PALM2AKAP2: variants seen among roughly 807,000 people sequenced by gnomAD.
PALM2AKAP2 encodes the protein PALM2-AKAP2 fusion protein.
Under a neutral mutation model 71.5 loss-of-function variants are expected in PALM2AKAP2, and 37 were observed. That is an observed-to-expected ratio of 0.52 (90% CI 0.40 to 0.68). PALM2AKAP2 has a LOEUF of 0.68. PALM2AKAP2 is among the 30% of genes least tolerant of loss of function. The probability of loss-of-function intolerance (pLI) is 0.00; values close to 1 mark genes in which losing one functional copy is unlikely to be tolerated. For missense variants in PALM2AKAP2, 1,224 were observed against 1,191.8 expected (o/e 1.03, Z -0.40); for synonymous variants, 468 against 478.8 (o/e 0.98, Z 0.29).
chr9:110,044,202 T>G (rs1328165344), upstream of PALM2AKAP2, among the ~76,000 whole-genome samples: 1 of 152,124 alleles, frequency 6.6e-6, no homozygotes, highest in Non-Finnish European at 1.5e-5. Flanking sequence ...CCCCTGGGCT[T>G]GGGATTACTG....
exon 4 of PALM2AKAP2, chr9:110,170,444 A>G (rs1375533616): frequency 6.6e-6 from 1 of 152,534 alleles, no homozygotes; most frequent in Admixed American, 6.6e-5. Context: ...GGGGGGGGAC[A>G]TTTATTCACA....
At chr9:109,854,683 C>T (rs565094306) in intron 1 of PALM2AKAP2, among the ~76,000 whole-genome samples, 3 of 148,720 alleles carry the variant, frequency 2.0e-5, no homozygotes, top group African/African-American at 4.9e-5. Flanking sequence ...TATGCATGTG[C>T]GTACACATGC....
At chr9:109,844,932 TG>T (rs148141448) in intron 1 of PALM2AKAP2, among the ~76,000 whole-genome samples, 2,202 of 8,706 alleles carry the variant, frequency 0.25, 29 homozygotes, top group South Asian at 0.32. Flanking sequence ...CAGAAAATGA[TG>T]TGTGTGTGTG....
intron 6 of PALM2AKAP2, among the ~76,000 whole-genome samples, chr9:110,006,324 C>CTTTCTTTCTTTCTTTCTTTCTT (rs781207805): frequency 7.8e-5 from 8 of 102,100 alleles, no homozygotes; most frequent in African/African-American, 3.1e-4. Flanking sequence ...TTCCTTCCTT[C>CTTTCTTTCTTTCTTTCTTTCTT]TCTTTCTTTC....
intron 1 of PALM2AKAP2, among the ~76,000 whole-genome samples, chr9:109,782,249 G>A (rs893165597): frequency 1.3e-5 from 2 of 152,156 alleles, no homozygotes; most frequent in Non-Finnish European, 1.5e-5. Flanking sequence ...GAATTCTCTT[G>A]AGCATATAAG....
At chr9:109,702,290 A>G (rs1053498183) in intron 1 of PALM2AKAP2, among the ~76,000 whole-genome samples, 4 of 152,224 alleles carry the variant, frequency 2.6e-5, no homozygotes, top group Non-Finnish European at 2.9e-5. Context: ...ACATATGCAC[A>G]CGTATGTTTT....
At chr9:109,668,766 T>C (rs758742275) in intron 1 of PALM2AKAP2, among the ~76,000 whole-genome samples, 27 of 152,290 alleles carry the variant, frequency 1.8e-4, no homozygotes, top group African/African-American at 5.5e-4. Context: ...GGTTGGAGGG[T>C]ATACGATGTT....
intron 1 of PALM2AKAP2, among the ~76,000 whole-genome samples, chr9:110,089,128 T>G (rs1323980582): frequency 6.6e-6 from 1 of 152,062 alleles, no homozygotes; most frequent in East Asian, 1.9e-4. Flanking sequence ...AGCACCATAA[T>G]GGGCAGTGCA....
intron 2 of PALM2AKAP2, among the ~76,000 whole-genome samples, chr9:110,141,487 A>G (rs1836028318): frequency 6.6e-6 from 1 of 152,350 alleles, no homozygotes; most frequent in South Asian, 2.1e-4. Context: ...GGAATGTAAA[A>G]TACAATTTTC....
At chr9:109,861,138 A>C (rs1829294715) in intron 1 of PALM2AKAP2, among the ~76,000 whole-genome samples, 1 of 152,126 alleles carries the variant, frequency 6.6e-6, no homozygotes, top group Non-Finnish European at 1.5e-5. Flanking sequence ...AGGAAAGGAA[A>C]CACCCTATTT....
chr9:110,049,485 G>C (rs895819424), intron 1 of PALM2AKAP2, among the ~76,000 whole-genome samples: 5 of 152,220 alleles, frequency 3.3e-5, no homozygotes, highest in African/African-American at 9.6e-5. Flanking sequence ...TCTGCCCTGG[G>C]AGGGAGAACG....
intron 1 of PALM2AKAP2, among the ~76,000 whole-genome samples, chr9:109,698,620 C>A (rs903892843): frequency 6.6e-6 from 1 of 152,160 alleles, no homozygotes; most frequent in East Asian, 1.9e-4. Flanking sequence ...ATCCAAAATG[C>A]TTTACCCTAC....
chr9:109,853,118 C>G (rs1195726660), intron 1 of PALM2AKAP2, among the ~76,000 whole-genome samples: 1 of 152,150 alleles, frequency 6.6e-6, no homozygotes, highest in Admixed American at 6.5e-5. Flanking sequence ...TACCTAACCT[C>G]TCTCAGCCTC....
At chr9:109,813,191 A>G (rs1401699287) in intron 1 of PALM2AKAP2, among the ~76,000 whole-genome samples, 1 of 152,226 alleles carries the variant, frequency 6.6e-6, no homozygotes, top group Admixed American at 6.5e-5. Flanking sequence ...TCAATGACCT[A>G]GATTACCCCA....
chr9:109,927,722 A>G (rs1257468835), intron 5 of PALM2AKAP2, among the ~76,000 whole-genome samples: 4 of 152,202 alleles, frequency 2.6e-5, no homozygotes, highest in Non-Finnish European at 5.9e-5. Context: ...TCTCCTGGTC[A>G]TATACATTCT....
chr9:109,995,552 T>C (rs10217350), intron 6 of PALM2AKAP2, among the ~76,000 whole-genome samples: 19,217 of 152,076 alleles, frequency 0.13, 1,632 homozygotes, highest in African/African-American at 0.24. Flanking sequence ...TGACAGAAGG[T>C]GAAGGAGGAG....
intron 1 of PALM2AKAP2, among the ~76,000 whole-genome samples, chr9:109,658,418 TTATAAAGA>T (rs547324100): frequency 2.0e-5 from 3 of 152,304 alleles, no homozygotes; most frequent in African/African-American, 4.8e-5. Context: ...TCCAAAAATC[TTATAAAGA>T]TATAAAGATA....
chr9:109,773,448 C>T (rs1829302349), intron 1 of PALM2AKAP2, among the ~76,000 whole-genome samples: 2 of 152,200 alleles, frequency 1.3e-5, no homozygotes, highest in South Asian at 4.1e-4. Context: ...GCAACACCTT[C>T]TAAACATCTT....
intron 6 of PALM2AKAP2, 113 bp from the exon 7 acceptor site, chr9:110,015,841 C>A (rs1206069901): frequency 1.5e-5 from 14 of 957,148 alleles, no homozygotes; most frequent in Non-Finnish European, 8.1e-6. Context: ...AGCTATAGGT[C>A]ATCATCAGCT....
Sources: allele counts gnomAD v4.1 joint callset (sites outside exome capture counted in the v4.1 genomes callset), GRCh38; gene constraint gnomAD v4.1.1; transcripts MANE v1.5; gene names NCBI Gene and HGNC (gene_info 2026-07-23, HGNC 2026-07-21).